Variants in CERS3 observed in about 807,000 individuals in gnomAD.
CERS3 encodes ceramide synthase 3, also known as LAG1 homolog, ceramide synthase 3.
CERS3 carries 33 observed loss-of-function variants against 50.3 expected under a neutral mutation model. The observed-to-expected ratio is 0.66, with a 90% CI of 0.50 to 0.88. The LOEUF is 0.88. Among genes scored for constraint, CERS3 ranks in the 40% least tolerant of loss-of-function variants. The pLI is 0.00. For missense variants in CERS3, 470 were observed against 460.3 expected (o/e 1.02, Z -0.19); for synonymous variants, 176 against 155.2 (o/e 1.13, Z -0.99).
chr15:100,526,129 C>T (rs547666424), intron 1 of CERS3, among the ~76,000 whole-genome samples: 3 of 152,326 alleles, frequency 2.0e-5, no homozygotes, highest in African/African-American at 7.2e-5. Flanking sequence ...GCCAAAACAC[C>T]ATTCTTGATG....
At chr15:100,516,170 C>G (rs566025348) in intron 2 of CERS3, among the ~76,000 whole-genome samples, 110 of 152,274 alleles carry the variant, frequency 7.2e-4, no homozygotes, top group African/African-American at 2.6e-3. Flanking sequence ...ATCAACTCAT[C>G]CGGTTAGAAA....
chr15:100,484,875 G>A (rs947880174), intron 4 of CERS3, among the ~76,000 whole-genome samples: 1 of 152,140 alleles, frequency 6.6e-6, no homozygotes, highest in African/African-American at 2.4e-5. Context: ...TACTATCCCA[G>A]CTCTCTAAGT....
At chr15:100,505,605 A>C (rs150329482) in intron 2 of CERS3, among the ~76,000 whole-genome samples, 1 of 152,392 alleles carries the variant, frequency 6.6e-6, no homozygotes, top group African/African-American at 2.4e-5. Context: ...TCAAAAATGA[A>C]AACAAAGCAC....
intron 11 of CERS3, among the ~76,000 whole-genome samples, chr15:100,415,148 T>G (rs1462598971): frequency 6.6e-6 from 1 of 152,210 alleles, no homozygotes; most frequent in Non-Finnish European, 1.5e-5. Context: ...AAGACATTTA[T>G]GCATCCAACA....
At chr15:100,471,133 T>C (rs938093770) in intron 9 of CERS3, among the ~76,000 whole-genome samples, 19 of 152,200 alleles carry the variant, frequency 1.2e-4, no homozygotes, top group African/African-American at 4.3e-4. Context: ...AGATCATGAC[T>C]TGTGGATCAA....
chr15:100,436,357 C>A (rs2033402655), intron 11 of CERS3, among the ~76,000 whole-genome samples: 1 of 152,156 alleles, frequency 6.6e-6, no homozygotes, highest in Non-Finnish European at 1.5e-5. Context: ...TCATTCTCAG[C>A]AAACTAACAC....
chr15:100,481,721 C>A (rs1415945645), intron 5 of CERS3, among the ~76,000 whole-genome samples: 1 of 152,188 alleles, frequency 6.6e-6, no homozygotes, highest in Non-Finnish European at 1.5e-5. Flanking sequence ...TAAGAAAGAT[C>A]ATAAAACTTA....
intron 1 of CERS3, chr15:100,544,158 AACCC>A (rs2037277544): frequency 6.6e-6 from 1 of 152,378 alleles, no homozygotes; most frequent in Non-Finnish European, 1.5e-5. Flanking sequence ...AGGGGGGCCC[AACCC>A]AGCAACCCTC....
rs187510617 is a variant in CERS3, at chr15:100,462,482, A to G, written c.846-6436T>C. ...TTTTAGGATAGCAAATACTTGTTCT[A>G]CAGGTGAACAATTATCTACCTCAGT... On this transcript the variant is annotated intron_variant, in intron 10 of 11. Coordinates refer to ENST00000679737, the MANE Select transcript of CERS3 (RefSeq NM_001378789.1). Among the ~76,000 whole-genome samples, 48 of 152,346 alleles carry G rather than the reference A, an allele frequency of 3.2e-4. 1 individual carries two copies. The highest frequency in any genetic ancestry group is 2.7e-3 in the Admixed American group (41 of 15,300).
At chr15:100,537,623 A>G (rs560102995) in intron 1 of CERS3, among the ~76,000 whole-genome samples, 1 of 152,290 alleles carries the variant, frequency 6.6e-6, no homozygotes, top group Non-Finnish European at 1.5e-5. Flanking sequence ...TCACTATCAC[A>G]TGAACAACAT....
intron 11 of CERS3, among the ~76,000 whole-genome samples, chr15:100,436,084 A>T (rs1430455208): frequency 6.6e-6 from 1 of 152,206 alleles, no homozygotes. Flanking sequence ...AGGATCTAGA[A>T]CCAGAAATAC....
At position 100,490,886 on chromosome 15, in the gene CERS3, T is replaced by C. The variant is rs143519248; in HGVS notation, c.219A>G (p.Thr73=). ...PLAKSFGIKE[T]VRKVTPNTVL... is the part of the protein sequence containing the mutation. ...CAGTATTTGGTGTAACCTTTCGAACTGTCTCTTTAATGCCAAATGATTTTG... is the reference window on the plus strand; with the variant it reads ...CAGTATTTGGTGTAACCTTTCGAACCGTCTCTTTAATGCCAAATGATTTTG... Residue 73 remains threonine (T), a synonymous_variant, in exon 4 of 12, where the codon ACA becomes ACG. Coordinates refer to ENST00000679737, the MANE Select transcript of CERS3 (RefSeq NM_001378789.1). 2.3e-5 allele frequency: 37 copies of C among 1,611,112 alleles called. No individual in the cohort carries two copies. Among genetic ancestry groups the C allele is most frequent in the Non-Finnish European group, 3.0e-5 (35 of 1,178,964 alleles).
At chr15:100,543,525 C>T (rs1286880769) in intron 1 of CERS3, among the ~76,000 whole-genome samples, 1 of 121,674 alleles carries the variant, frequency 8.2e-6, no homozygotes, top group Non-Finnish European at 1.8e-5. Context: ...TCCCTCCTTC[C>T]TTTCTTTCTT....
intron 1 of CERS3, among the ~76,000 whole-genome samples, chr15:100,527,641 C>G (rs2036833431): frequency 6.6e-6 from 1 of 152,184 alleles, no homozygotes; most frequent in Admixed American, 6.5e-5. Flanking sequence ...CCCTACTGTA[C>G]CACTGTAAAT....
At chr15:100,506,410 T>C (rs2654620) in intron 2 of CERS3, among the ~76,000 whole-genome samples, 25,121 of 150,384 alleles carry the variant, frequency 0.17, 2,584 homozygotes, top group Non-Finnish European at 0.24. Context: ...TTCACACCCA[T>C]AGCTGCCATC....
chr15:100,490,193 A>G (rs1285158698), intron 4 of CERS3, among the ~76,000 whole-genome samples: 1 of 152,204 alleles, frequency 6.6e-6, no homozygotes, highest in Non-Finnish European at 1.5e-5. Context: ...TTTAACTATT[A>G]GATTAAAAAC....
intron 1 of CERS3, among the ~76,000 whole-genome samples, chr15:100,543,381 T>C (rs937873853): frequency 4.6e-5 from 7 of 152,198 alleles, no homozygotes; most frequent in South Asian, 2.1e-4. Flanking sequence ...TTGTTCTCAT[T>C]TCAGGTGATT....
chr15:100,522,423 T>C (rs934352020), intron 1 of CERS3, among the ~76,000 whole-genome samples: 4 of 152,188 alleles, frequency 2.6e-5, no homozygotes, highest in African/African-American at 9.7e-5. Context: ...ATTATTGAAG[T>C]ATAACATACA....
chr15:100,428,421 CAG>C (rs1375287163), intron 11 of CERS3, among the ~76,000 whole-genome samples: 2 of 152,186 alleles, frequency 1.3e-5, no homozygotes, highest in Non-Finnish European at 2.9e-5. Context: ...AACCAAAAGA[CAG>C]ACAGTTCATT....
Sources: allele counts gnomAD v4.1 joint callset (sites outside exome capture counted in the v4.1 genomes callset), GRCh38; gene constraint gnomAD v4.1.1; transcripts MANE v1.5; gene names NCBI Gene and HGNC (gene_info 2026-07-23, HGNC 2026-07-21).